The following SCRG1 variants were observed in gnomAD, a reference collection of about 807,000 sequenced individuals.
SCRG1 encodes the protein scrapie-responsive protein 1.
A neutral mutation model predicts 7.7 loss-of-function variants in SCRG1; 3 were observed. The observed-to-expected ratio is 0.39, with a 90% CI of 0.18 to 1.01. SCRG1 has a LOEUF of 1.01. Among genes scored for constraint, SCRG1 ranks in the 50% least tolerant of loss-of-function variants. SCRG1 has a pLI of 0.36. For missense variants in SCRG1, 110 were observed against 117.2 expected (o/e 0.94, Z 0.28); for synonymous variants, 46 against 41.2 (o/e 1.12, Z -0.44).
chr4:173,470,215 T>C, the SCRG1 span, among the ~76,000 whole-genome samples: 1 of 151,040 alleles, frequency 6.6e-6, no homozygotes, highest in Non-Finnish European at 1.5e-5. Flanking sequence ...AGCATCTCAA[T>C]ATGTGTTTAC....
In SCRG1 at chr4:173,389,782, T is replaced by C. The variant is rs1187774728; in HGVS notation, c.243-1387A>G. ...TAATCCCAGTGTTGATATTAGCTAG[T>C]TATGTGGGATAGTACTGGTCACTTC... On this transcript the variant is annotated intron_variant, in intron 2 of 2. Transcript: ENST00000296506. 1.1e-5 allele frequency: 3 copies of C among 262,154 alleles called. No individual in the cohort carries two copies. In the Admixed American group the frequency reaches 1.2e-4, roughly 10 times the overall value. 16.2% of individuals were successfully genotyped at this position (262,154 alleles called of 1,614,324 possible).
At chr4:173,452,497 A>G in the SCRG1 span, among the ~76,000 whole-genome samples, 1 of 152,166 alleles carries the variant, frequency 6.6e-6, no homozygotes, top group South Asian at 2.1e-4. Flanking sequence ...GCTAGCCGCA[A>G]TGTTCTCAGA....
chr4:173,394,904 A>G (rs1171740108), intron 1 of SCRG1, among the ~76,000 whole-genome samples: 2 of 152,240 alleles, frequency 1.3e-5, no homozygotes, highest in Non-Finnish European at 2.9e-5. Flanking sequence ...GTATTTGTAT[A>G]TACACTTATC....
chr4:173,389,263 A>G (rs558266333), intron 2 of SCRG1, among the ~76,000 whole-genome samples: 73 of 152,094 alleles, frequency 4.8e-4, no homozygotes, highest in East Asian at 2.5e-3. Context: ...GGCCGGGCGC[A>G]GTGGTTCACG....
the SCRG1 span, among the ~76,000 whole-genome samples, chr4:173,481,757 T>G: frequency 6.6e-6 from 1 of 152,222 alleles, no homozygotes; most frequent in Non-Finnish European, 1.5e-5. Flanking sequence ...ATTAAAATTT[T>G]CTTTTCTCTA....
chr4:173,484,094 C>CAT, the SCRG1 span, among the ~76,000 whole-genome samples: 2 of 42,794 alleles, frequency 4.7e-5, no homozygotes, highest in Non-Finnish European at 8.4e-5. Context: ...TATAATATAC[C>CAT]ATATATAATA....
chr4:173,515,436 T>G, the SCRG1 span, among the ~76,000 whole-genome samples: 14 of 147,246 alleles, frequency 9.5e-5, no homozygotes, highest in Non-Finnish European at 7.6e-5. This position sits in a 1 kb window ranked among gnomAD's most constrained non-coding sequence, Gnocchi z 4.6. Context: ...AAAAAAAAAC[T>G]TTAAGTTCAG....
At chr4:173,487,762 G>T in the SCRG1 span, among the ~76,000 whole-genome samples, 1 of 151,822 alleles carries the variant, frequency 6.6e-6, no homozygotes. Flanking sequence ...CATCAAGTAT[G>T]CAAATTCAAT....
At chr4:173,423,669 A>AATT in the SCRG1 span, among the ~76,000 whole-genome samples, 2,955 of 150,842 alleles carry the variant, frequency 0.02, 35 homozygotes, top group Non-Finnish European at 0.032. Flanking sequence ...TTTTTTTTTA[A>AATT]TTTTTTTTTT....
chr4:173,426,033 C>T, the SCRG1 span, among the ~76,000 whole-genome samples: 8 of 152,214 alleles, frequency 5.3e-5, no homozygotes, highest in South Asian at 2.1e-4. Flanking sequence ...GGTAAGTTTG[C>T]CAGATTTCAC....
At chr4:173,412,359 G>A in the SCRG1 span, among the ~76,000 whole-genome samples, 1 of 152,150 alleles carries the variant, frequency 6.6e-6, no homozygotes, top group African/African-American at 2.4e-5. Context: ...TTAGAACAAG[G>A]CCATGAATGC....
At chr4:173,504,134 C>T in the SCRG1 span, among the ~76,000 whole-genome samples, 1 of 152,184 alleles carries the variant, frequency 6.6e-6, no homozygotes, top group Non-Finnish European at 1.5e-5. This position sits in a 1 kb window ranked among gnomAD's most constrained non-coding sequence, Gnocchi z 4.7. Flanking sequence ...CCCCCGCTCT[C>T]AGCCTTCACA....
the SCRG1 span, among the ~76,000 whole-genome samples, chr4:173,496,985 A>C: frequency 6.6e-6 from 1 of 152,108 alleles, no homozygotes; most frequent in African/African-American, 2.4e-5. Context: ...GGGCGCCTGT[A>C]GTCCCAGTTA....
chr4:173,418,199 GC>G, the SCRG1 span, among the ~76,000 whole-genome samples: 3 of 152,176 alleles, frequency 2.0e-5, no homozygotes, highest in African/African-American at 7.2e-5. Context: ...AGAATACATT[GC>G]CCTCCCTGCA....
At chr4:173,450,480 C>A in the SCRG1 span, among the ~76,000 whole-genome samples, 29 of 152,264 alleles carry the variant, frequency 1.9e-4, no homozygotes, top group East Asian at 4.8e-3. Flanking sequence ...TCAGATGACT[C>A]ATATTGGGCA....
chr4:173,499,637 C>T, the SCRG1 span, among the ~76,000 whole-genome samples: 1 of 152,172 alleles, frequency 6.6e-6, no homozygotes, highest in Non-Finnish European at 1.5e-5. The surrounding 1 kb of genome is among the most constrained non-coding windows in gnomAD (Gnocchi z 4.1). Flanking sequence ...GGTAGTGTAC[C>T]GCCTGGTCCC....
At chr4:173,504,746 A>G in the SCRG1 span, among the ~76,000 whole-genome samples, 5 of 152,306 alleles carry the variant, frequency 3.3e-5, no homozygotes, top group Middle Eastern at 3.4e-3. The surrounding 1 kb of genome is among the most constrained non-coding windows in gnomAD (Gnocchi z 4.7). Context: ...GGTCAACACC[A>G]TCCTTCTCAG....
the SCRG1 span, among the ~76,000 whole-genome samples, chr4:173,460,048 C>T: frequency 2.0e-5 from 3 of 152,308 alleles, no homozygotes; most frequent in East Asian, 1.9e-4. Context: ...GTCCCGTCCC[C>T]GCTGCCCCGC....
the SCRG1 span, among the ~76,000 whole-genome samples, chr4:173,439,603 T>G: frequency 2.0e-5 from 3 of 151,076 alleles, no homozygotes; most frequent in African/African-American, 7.3e-5. Flanking sequence ...CATTATTATA[T>G]AATTTCAAAA....
Sources: allele counts gnomAD v4.1 joint callset (sites outside exome capture counted in the v4.1 genomes callset), GRCh38; gene constraint gnomAD v4.1.1; non-coding constraint Gnocchi (gnomAD v3.1); transcripts MANE v1.5; gene names NCBI Gene and HGNC (gene_info 2026-07-23, HGNC 2026-07-21).